The following DLG2 variants were observed in gnomAD, a reference collection of about 807,000 sequenced individuals.
DLG2 encodes the protein disks large homolog 2.
A neutral mutation model predicts 132.5 loss-of-function variants in DLG2; 45 were observed. That is an observed-to-expected ratio of 0.34 (90% CI 0.27 to 0.44). The LOEUF is 0.44. DLG2 is among the 20% of genes least tolerant of loss of function. The pLI is 1.00. For missense variants in DLG2, 1,045 were observed against 1,196.9 expected (o/e 0.87, Z 1.87); for synonymous variants, 424 against 419.6 (o/e 1.01, Z -0.13).
At chr11:85,433,076 T>G (rs968751822) in intron 3 of DLG2, among the ~76,000 whole-genome samples, 2 of 152,146 alleles carry the variant, frequency 1.3e-5, no homozygotes, top group African/African-American at 4.8e-5. Flanking sequence ...CTAAGCTTCA[T>G]CAGCAAAGGA....
chr11:85,377,853 G>A (rs1031026519), intron 3 of DLG2, among the ~76,000 whole-genome samples: 52 of 147,818 alleles, frequency 3.5e-4, no homozygotes, highest in African/African-American at 6.4e-4. Flanking sequence ...ATACATATAT[G>A]TGTGTGTATA....
intron 6 of DLG2, among the ~76,000 whole-genome samples, chr11:84,583,985 A>G (rs1254046702): frequency 6.6e-6 from 1 of 152,040 alleles, no homozygotes; most frequent in Non-Finnish European, 1.5e-5. Context: ...TGCTCACATC[A>G]TGTTTTACTT....
At chr11:83,466,654 A>G (rs1277753133) in intron 26 of DLG2, 54 bp downstream of exon 26, 3 of 995,038 alleles carry the variant, frequency 3.0e-6, no homozygotes, top group Admixed American at 3.5e-5. Flanking sequence ...AATTTTCAGT[A>G]TAATACAGAA....
intron 6 of DLG2, chr11:84,890,742 C>G (rs759271468): frequency 6.6e-6 from 1 of 152,270 alleles, no homozygotes; most frequent in Non-Finnish European, 1.5e-5. Flanking sequence ...ATATCAGTCC[C>G]AGAGCTGTCT....
intron 6 of DLG2, among the ~76,000 whole-genome samples, chr11:84,617,627 C>T (rs2099606846): frequency 6.6e-6 from 1 of 152,132 alleles, no homozygotes; most frequent in Non-Finnish European, 1.5e-5. Context: ...CCAATTTCTC[C>T]ACATCCTCTC....
intron 9 of DLG2, among the ~76,000 whole-genome samples, chr11:84,108,730 T>C (rs2154190098): frequency 6.6e-6 from 1 of 152,090 alleles, no homozygotes; most frequent in African/African-American, 2.4e-5. Context: ...CTGATCTAGT[T>C]TAAGATTATA....
At chr11:84,923,612 T>G (rs2155414) in intron 6 of DLG2, 1 of 991,346 alleles carries the variant, frequency 1.0e-6, no homozygotes, top group Non-Finnish European at 1.2e-6. Context: ...CTTCTTCCTT[T>G]GGAGGTTTAA....
intron 3 of DLG2, among the ~76,000 whole-genome samples, chr11:85,356,801 T>C (rs552828472): frequency 6.6e-6 from 1 of 151,062 alleles, no homozygotes; most frequent in South Asian, 2.1e-4. Flanking sequence ...GATAGATAGA[T>C]AGATAGATAG....
At chr11:84,984,070 T>C (rs1442184146) in intron 6 of DLG2, among the ~76,000 whole-genome samples, 1 of 152,150 alleles carries the variant, frequency 6.6e-6, no homozygotes, top group Non-Finnish European at 1.5e-5. Flanking sequence ...AATCTGAAAG[T>C]TTGGAAAATA....
intron 6 of DLG2, among the ~76,000 whole-genome samples, chr11:84,703,864 A>ATATATATATATG (rs1555174799): frequency 7.0e-5 from 8 of 113,942 alleles, no homozygotes; most frequent in African/African-American, 4.3e-4. Context: ...GAAGATATAT[A>ATATATATATATG]TATATATATA....
chr11:83,696,469 C>A (rs1340776204), intron 18 of DLG2, among the ~76,000 whole-genome samples: 2 of 152,006 alleles, frequency 1.3e-5, no homozygotes, highest in African/African-American at 2.4e-5. Context: ...GTCAGTCAGT[C>A]AGTAAAGGCA....
chr11:84,855,660 T>C (rs2082690467), intron 6 of DLG2, among the ~76,000 whole-genome samples: 1 of 152,052 alleles, frequency 6.6e-6, no homozygotes, highest in African/African-American at 2.4e-5. Context: ...GAATTATGCA[T>C]GAGTTAGGGC....
intron 6 of DLG2, among the ~76,000 whole-genome samples, chr11:84,776,512 A>G (rs2070532469): frequency 6.6e-6 from 1 of 152,166 alleles, no homozygotes; most frequent in Admixed American, 6.6e-5. Context: ...CAATCGAGAT[A>G]GAACATTTAC....
chr11:84,460,315 T>A (rs996783209), intron 7 of DLG2, among the ~76,000 whole-genome samples: 3 of 150,616 alleles, frequency 2.0e-5, no homozygotes, highest in African/African-American at 7.3e-5. Flanking sequence ...GAATTATTTT[T>A]GTTCTTATCA....
chr11:85,613,525 T>C (rs1042004432), intron 2 of DLG2, among the ~76,000 whole-genome samples: 4 of 152,264 alleles, frequency 2.6e-5, no homozygotes, highest in Middle Eastern at 3.4e-3. Context: ...CTTTTCTGTA[T>C]AGCTAAAGGA....
intron 6 of DLG2, among the ~76,000 whole-genome samples, chr11:84,884,512 T>C (rs914379657): frequency 6.6e-6 from 1 of 152,122 alleles, no homozygotes; most frequent in African/African-American, 2.4e-5. Context: ...TTTATAGTCC[T>C]AAGGAAATTC....
chr11:85,172,002 T>C (rs2078910935), intron 4 of DLG2, among the ~76,000 whole-genome samples: 1 of 152,194 alleles, frequency 6.6e-6, no homozygotes, highest in South Asian at 2.1e-4. Context: ...GTCCCTGTGG[T>C]TCAGCTGGCT....
At chr11:84,904,128 A>T (rs1422891165) in intron 6 of DLG2, among the ~76,000 whole-genome samples, 1 of 152,168 alleles carries the variant, frequency 6.6e-6, no homozygotes, top group African/African-American at 2.4e-5. Context: ...AATTGGCATC[A>T]TATACCCTTG....
chr11:84,901,253 A>T (rs890908561), intron 6 of DLG2, among the ~76,000 whole-genome samples: 2 of 152,080 alleles, frequency 1.3e-5, no homozygotes, highest in African/African-American at 4.8e-5. Context: ...AGTAGTAGTC[A>T]TTGAGAATCT....
Sources: gnomAD v4.1 joint callset for allele counts (sites outside exome capture counted in the v4.1 genomes callset) on GRCh38, gnomAD v4.1.1 for gene constraint, MANE v1.5 for transcripts, NCBI Gene and HGNC (gene_info 2026-07-23, HGNC 2026-07-21) for gene names.